The following TEC variants were observed in gnomAD, a reference collection of about 807,000 sequenced individuals.
The protein encoded by TEC is tec protein tyrosine kinase.
Under a neutral mutation model 93.0 loss-of-function variants are expected in TEC, and 72 were observed. That is an observed-to-expected ratio of 0.77 (90% CI 0.64 to 0.94). TEC has a LOEUF of 0.94. TEC is among the 40% of genes least tolerant of loss of function. The probability of loss-of-function intolerance (pLI) is 0.00; values close to 1 mark genes in which losing one functional copy is unlikely to be tolerated. For missense variants in TEC, 630 were observed against 757.9 expected (o/e 0.83, Z 1.98); for synonymous variants, 249 against 247.7 (o/e 1.01, Z -0.05).
intron 3 of TEC, among the ~76,000 whole-genome samples, chr4:48,172,379 C>T (rs116555889): frequency 0.011 from 1,680 of 152,178 alleles, 26 homozygotes; most frequent in African/African-American, 0.038. Flanking sequence ...AAATGGTTAT[C>T]ACTGACCATA....
intron 15 of TEC, among the ~76,000 whole-genome samples, chr4:48,139,813 C>T (rs570509478): frequency 1.1e-4 from 16 of 152,322 alleles, no homozygotes; most frequent in African/African-American, 3.8e-4. Flanking sequence ...CTAAAAGGTT[C>T]CATGAGAAAA....
intron 9 of TEC, among the ~76,000 whole-genome samples, chr4:48,154,850 G>A (rs773455444): frequency 6.6e-6 from 1 of 152,148 alleles, no homozygotes; most frequent in Non-Finnish European, 1.5e-5. Flanking sequence ...AGCCCCTGCT[G>A]AGTCCCCAAC....
intron 2 of TEC, among the ~76,000 whole-genome samples, chr4:48,212,848 T>C (rs1722957174): frequency 6.6e-6 from 1 of 152,316 alleles, no homozygotes; most frequent in South Asian, 2.1e-4. Flanking sequence ...GGTAGAACTA[T>C]AGCTTAATCA....
At chr4:48,160,172 A>G (rs1044811568) in intron 8 of TEC, among the ~76,000 whole-genome samples, 5 of 152,304 alleles carry the variant, frequency 3.3e-5, no homozygotes, top group Middle Eastern at 3.4e-3. Context: ...AATATATCTC[A>G]AGGGCATACA....
In TEC at chr4:48,171,312, TAAC is replaced by T. The variant is rs879198622; in HGVS notation, c.325+53_325+55del. On this transcript the variant is annotated intron_variant, in intron 4 of 17. Coordinates refer to ENST00000381501, the MANE Select transcript of TEC (RefSeq NM_003215.3). Reference sequence around the variant, plus strand: ...ATTAGCTGTATTTCTGTCTTAATGATAACAATATTACATCTCCTAAAATTATAT... The same window carrying T: ...ATTAGCTGTATTTCTGTCTTAATGATAATATTACATCTCCTAAAATTATAT... The T allele has an allele frequency of 3.5e-6, 5 of 1,417,110 alleles. No homozygotes were observed. In the South Asian group the frequency reaches 5.1e-5, roughly 14 times the overall value. The allele number at this position is 1,417,110 out of a possible 1,614,324, so 87.8% of individuals were successfully genotyped here.
At chr4:48,145,791 G>A (rs1319906132) in intron 12 of TEC, among the ~76,000 whole-genome samples, 2 of 152,192 alleles carry the variant, frequency 1.3e-5, no homozygotes, top group African/African-American at 4.8e-5. Flanking sequence ...GTGAAATGAA[G>A]AAGGCAAGAC....
chr4:48,215,788 G>C (rs547307396), intron 2 of TEC, among the ~76,000 whole-genome samples: 1 of 152,112 alleles, frequency 6.6e-6, no homozygotes, highest in Non-Finnish European at 1.5e-5. Flanking sequence ...TATAGAATTA[G>C]AGTCCTTATC....
In TEC at chr4:48,211,817, G is replaced by A. The variant is rs568151938; in HGVS notation, c.138+16660C>T. ...GCTTCTTTAATATAAGCATTCACAG[G>A]CTGGGCACAGTGGCTCATGCCTGTA... is the stretch of plus-strand genomic sequence containing the variant. On this transcript the variant is annotated intron_variant, in intron 2 of 17. Transcript: ENST00000381501. 1.1e-3 allele frequency among the ~76,000 whole-genome samples: 161 copies of A among 152,112 alleles called. No homozygotes were observed. In the South Asian group the frequency reaches 0.013, roughly 13 times the overall value.
At chr4:48,210,558 T>C (rs1209030187) in intron 2 of TEC, among the ~76,000 whole-genome samples, 2 of 151,500 alleles carry the variant, frequency 1.3e-5, no homozygotes, top group Non-Finnish European at 2.9e-5. Context: ...AAAGAAAAAC[T>C]AAAACTGAGA....
intron 17 of TEC, among the ~76,000 whole-genome samples, chr4:48,138,296 T>A (rs921944353): frequency 6.6e-6 from 1 of 152,206 alleles, no homozygotes; most frequent in Non-Finnish European, 1.5e-5. Flanking sequence ...CTCGGAAAGT[T>A]GAGGTTTAGA....
chr4:48,169,719 G>A (rs535294832), intron 5 of TEC, among the ~76,000 whole-genome samples: 19 of 152,288 alleles, frequency 1.2e-4, no homozygotes, highest in Admixed American at 1.2e-3. Context: ...ATGACTAAGG[G>A]TCTCTCATTC....
intron 2 of TEC, among the ~76,000 whole-genome samples, chr4:48,214,091 T>C (rs1174960868): frequency 6.6e-6 from 1 of 152,210 alleles, no homozygotes; most frequent in African/African-American, 2.4e-5. Context: ...TCATCACCAT[T>C]GTAATTACTA....
At chr4:48,163,388 T>A (rs1057435040) in intron 8 of TEC, among the ~76,000 whole-genome samples, 6 of 152,248 alleles carry the variant, frequency 3.9e-5, no homozygotes, top group Non-Finnish European at 8.8e-5. Flanking sequence ...GTTCTGCTTA[T>A]GTCCTGAATG....
chr4:48,163,582 A>G (rs1720759993), intron 8 of TEC, 120 bp downstream of exon 8: 3 of 651,244 alleles, frequency 4.6e-6, no homozygotes, highest in Non-Finnish European at 2.6e-6. Context: ...AGTTAAGGAT[A>G]TTTTAGCACC....
In TEC at chr4:48,176,196, GA is replaced by G; in HGVS notation, c.139-11del. ...CCTTTCTGTATTTCTTCTGTTAAAA[GA>G]AAAAAAGGAGAAACATTAGAATCAT... On this transcript the variant is annotated splice_polypyrimidine_tract_variant and intron_variant, in intron 2 of 17. Transcript: ENST00000381501. 1.9e-6 allele frequency: 3 copies of G among 1,572,660 alleles called. No individual in the cohort carries two copies. The highest frequency in any genetic ancestry group is 1.7e-6 in the Non-Finnish European group (2 of 1,149,062).
At chr4:48,193,536 G>T (rs758484566) in intron 2 of TEC, among the ~76,000 whole-genome samples, 1 of 152,120 alleles carries the variant, frequency 6.6e-6, no homozygotes, top group African/African-American at 2.4e-5. Context: ...AGAGATAAAC[G>T]TAACTACTGT....
At chr4:48,212,110 A>AT (rs1553892128) in intron 2 of TEC, among the ~76,000 whole-genome samples, 90 of 122,250 alleles carry the variant, frequency 7.4e-4, no homozygotes, top group Middle Eastern at 4.3e-3. Flanking sequence ...AAAAAAAAAA[A>AT]ATATATATAT....
intron 2 of TEC, among the ~76,000 whole-genome samples, chr4:48,179,597 C>T (rs968595622): frequency 3.3e-5 from 5 of 151,186 alleles, no homozygotes; most frequent in South Asian, 2.1e-4. Context: ...TCAGGTTGGC[C>T]GGGCTGGTCT....
chr4:48,168,729 A>G (rs1443342758), intron 5 of TEC, 103 bp from the exon 6 acceptor site: 1 of 1,211,962 alleles, frequency 8.3e-7, no homozygotes, highest in East Asian at 2.4e-5. Context: ...TAACACATAG[A>G]CAAGCAGCAC....
Sources: gnomAD v4.1 joint callset for allele counts (sites outside exome capture counted in the v4.1 genomes callset) on GRCh38, gnomAD v4.1.1 for gene constraint, MANE v1.5 for transcripts, NCBI Gene and HGNC (gene_info 2026-07-23, HGNC 2026-07-21) for gene names.